BCR: variants seen among roughly 807,000 people sequenced by gnomAD.
BCR encodes the protein BCR activator of RhoGEF and GTPase, also known as breakpoint cluster region protein.
Under a neutral mutation model 138.6 loss-of-function variants are expected in BCR, and 58 were observed. That is an observed-to-expected ratio of 0.42 (90% CI 0.34 to 0.52). BCR has a LOEUF of 0.52. BCR is among the 20% of genes least tolerant of loss of function. The pLI is 0.06. For synonymous variants in BCR, 786 were observed against 730.1 expected, an observed-to-expected ratio of 1.08 and a Z score of -1.23; for missense variants, 1,599 against 1,727.2, an observed-to-expected ratio of 0.93 and a Z score of 1.32.
intron 4 of BCR, chr22:23,263,118 C>A: frequency 1.4e-6 from 1 of 710,800 alleles, no homozygotes; most frequent in Non-Finnish European, 2.3e-6. Flanking sequence ...GGCCTACATC[C>A]CGGGGACAGG....
At position 23,261,650 on chromosome 22, in the gene BCR, T is replaced by G. The variant is rs12170181; in HGVS notation, c.1752+110T>G. ...TTTTGCTATGTTGGCCAGGCTGGTC[T>G]CAAACTCCTAACCTCAAGTGATCCA... On this transcript the variant is annotated intron_variant, in intron 4 of 22. Coordinates refer to ENST00000305877, the MANE Select transcript of BCR (RefSeq NM_004327.4). 5.9e-3 allele frequency: 7,152 copies of G among 1,213,132 alleles called. 41 individuals carry two copies. The highest frequency in any genetic ancestry group is 6.6e-3 in the Non-Finnish European group (5,753 of 878,020). The allele number at this position is 1,213,132 out of a possible 1,614,324, so 75.1% of individuals were successfully genotyped here.
chr22:23,186,798 C>T (rs1022689388), intron 1 of BCR, among the ~76,000 whole-genome samples: 1 of 152,116 alleles, frequency 6.6e-6, no homozygotes, highest in Non-Finnish European at 1.5e-5. Context: ...CCTCTGCCTC[C>T]CCAGTTCAAG....
chr22:23,181,018 C>G lies in BCR; in HGVS notation c.58C>G (p.Pro20Ala), dbSNP rs746347186. 4.0e-6 allele frequency: 6 copies of G among 1,492,318 alleles called. No individual in the cohort carries two copies. In the South Asian group the frequency reaches 6.5e-5, roughly 16 times the overall value. The allele number at this position is 1,492,318 out of a possible 1,614,324, so 92.4% of individuals were successfully genotyped here. The part of the protein sequence containing the change: ...AWKAQFPDSE[P>A]PRMELRSVGD... The stretch of plus-strand genomic sequence containing the variant: ...GAAGGCGCAGTTCCCGGACTCAGAG[C>G]CCCCGCGCATGGAGCTGCGCTCAGT... The change falls in exon 1 of 23, where the codon CCC becomes GCC. Residue 20 changes from proline to alanine, a missense_variant. Around this residue, in one of 4 missense-constraint regions of BCR, gnomAD observed 806 missense variants for 635.0 expected, o/e 1.27. Coordinates refer to ENST00000305877, the MANE Select transcript of BCR (RefSeq NM_004327.4).
At position 23,301,584 on chromosome 22, in the gene BCR, G is replaced by A. The variant is rs529327697; in HGVS notation, c.3012+6429G>A. 9.8e-5 allele frequency among the ~76,000 whole-genome samples: 15 copies of A among 152,344 alleles called. No homozygotes were observed. The East Asian group carries it at 1.2e-3, about 12-fold the overall frequency. Reference sequence around the variant, plus strand: ...ATACAGATTCAATGTCCCCTGCTCTGTGAAGGCTTCTCTGTCCCGTGACCT... The same window carrying A: ...ATACAGATTCAATGTCCCCTGCTCTATGAAGGCTTCTCTGTCCCGTGACCT... On this transcript the variant is annotated intron_variant, in intron 16 of 22. Transcript: ENST00000305877.
chr22:23,312,204 G>T (rs1474691831), intron 19 of BCR, among the ~76,000 whole-genome samples: 2 of 152,212 alleles, frequency 1.3e-5, no homozygotes, highest in African/African-American at 4.8e-5. Flanking sequence ...CCAGGCTGGG[G>T]CTGCAGCATC....
intron 16 of BCR, among the ~76,000 whole-genome samples, chr22:23,301,320 A>T (rs1429058267): frequency 1.3e-5 from 2 of 152,032 alleles, no homozygotes; most frequent in African/African-American, 4.8e-5. Context: ...GACAGAAAAA[A>T]CCTGAAGAAA....
At chr22:23,215,606 C>G (rs555671607) in intron 1 of BCR, among the ~76,000 whole-genome samples, 2 of 152,324 alleles carry the variant, frequency 1.3e-5, no homozygotes, top group African/African-American at 4.8e-5. Context: ...GGAAGTGTTA[C>G]AGTGTAATTC....
At chr22:23,308,727 C>T (rs1299723180) in intron 16 of BCR, among the ~76,000 whole-genome samples, 2 of 152,172 alleles carry the variant, frequency 1.3e-5, no homozygotes, top group African/African-American at 2.4e-5. Flanking sequence ...AGAGGCTTCA[C>T]GGATGGGGGA....
intron 4 of BCR, chr22:23,264,181 G>T: frequency 1.5e-6 from 2 of 1,333,846 alleles, no homozygotes; most frequent in Non-Finnish European, 1.1e-6. Flanking sequence ...CTTGCCACAG[G>T]TTCCTCCTTC....
intron 9 of BCR, 44 bp from the exon 10 acceptor site, chr22:23,284,989 A>T: frequency 6.3e-7 from 1 of 1,589,814 alleles, no homozygotes; most frequent in Non-Finnish European, 8.6e-7. Flanking sequence ...TCAGCCATAG[A>T]AGGCAGTCGG....
chr22:23,314,900 T>C (rs2074051451), intron 22 of BCR, among the ~76,000 whole-genome samples, 186 bp downstream of exon 22: 1 of 152,240 alleles, frequency 6.6e-6, no homozygotes, highest in African/African-American at 2.4e-5. Flanking sequence ...CACCTCCTGG[T>C]CCTGCTAGTG....
chr22:23,224,509 T>C (rs1340621066), intron 1 of BCR, among the ~76,000 whole-genome samples: 1 of 152,170 alleles, frequency 6.6e-6, no homozygotes, highest in Non-Finnish European at 1.5e-5. Flanking sequence ...GCCCACTCCC[T>C]GCTTACCCAC....
intron 1 of BCR, among the ~76,000 whole-genome samples, chr22:23,216,635 C>T (rs887513220): frequency 6.6e-6 from 1 of 152,230 alleles, no homozygotes; most frequent in Non-Finnish European, 1.5e-5. Context: ...TAAAACAATG[C>T]GATTTAATCG....
At chr22:23,304,499 C>T (rs2073937130) in intron 16 of BCR, among the ~76,000 whole-genome samples, 1 of 152,124 alleles carries the variant, frequency 6.6e-6, no homozygotes, top group Admixed American at 6.5e-5. Flanking sequence ...ACACTTGGAT[C>T]ATTTCTAGTT....
At chr22:23,233,804 GAAAAAAAAGA>G (rs1269123176) in intron 1 of BCR, among the ~76,000 whole-genome samples, 38 of 87,926 alleles carry the variant, frequency 4.3e-4, no homozygotes, top group South Asian at 4.3e-3. Context: ...AAAAAAAAAA[GAAAAAAAAGA>G]AAAAAAAAAA....
In BCR at chr22:23,259,114, T is replaced by C. The variant is rs115157385; in HGVS notation, c.1462-1836T>C. 6.3e-3 allele frequency among the ~76,000 whole-genome samples: 960 copies of C among 152,290 alleles called. 9 individuals carry two copies. The highest frequency in any genetic ancestry group is 0.022 in the African/African-American group (916 of 41,544). On this transcript the variant is annotated intron_variant, in intron 2 of 22. Coordinates refer to ENST00000305877, the MANE Select transcript of BCR (RefSeq NM_004327.4). Reference sequence around the variant, plus strand: ...AGGCGGGAGTGGCCAGGAAGTCAGGTGGCGATTTCTGTGGCCTTTGGCATC... The same window carrying C: ...AGGCGGGAGTGGCCAGGAAGTCAGGCGGCGATTTCTGTGGCCTTTGGCATC...
chr22:23,209,105 A>G (rs1265167979), intron 1 of BCR, among the ~76,000 whole-genome samples: 1 of 152,266 alleles, frequency 6.6e-6, no homozygotes, highest in East Asian at 1.9e-4. Flanking sequence ...CACGCCTGTA[A>G]TCCCAGCACT....
chr22:23,214,904 A>G (rs1466064790), intron 1 of BCR, among the ~76,000 whole-genome samples: 1 of 152,178 alleles, frequency 6.6e-6, no homozygotes, highest in Admixed American at 6.5e-5. Context: ...GTGTTGGGCA[A>G]CCATCACCAC....
At chr22:23,296,763 C>T (rs2073849786) in intron 16 of BCR, among the ~76,000 whole-genome samples, 1 of 152,218 alleles carries the variant, frequency 6.6e-6, no homozygotes, top group Non-Finnish European at 1.5e-5. Context: ...GCAACATAGA[C>T]CCCTGTCTAA....
Sources: allele counts gnomAD v4.1 joint callset (sites outside exome capture counted in the v4.1 genomes callset), GRCh38; gene constraint gnomAD v4.1.1; regional missense constraint gnomAD v4.1.1; transcripts MANE v1.5; gene names NCBI Gene and HGNC (gene_info 2026-07-23, HGNC 2026-07-21).